ZNF888: variants seen among roughly 807,000 people sequenced by gnomAD.
ZNF888 encodes the protein zinc finger protein 888.
In ZNF888, 5 loss-of-function variants were observed where a neutral mutation model predicts 7.2. That is an observed-to-expected ratio of 0.70 (90% CI 0.36 to 1.46). ZNF888 has a LOEUF of 1.46. Among genes scored for constraint, ZNF888 ranks in the 40% most tolerant of loss-of-function variants. The pLI is 0.03. For missense variants in ZNF888, 716 were observed against 858.0 expected (o/e 0.83, Z 2.07); for synonymous variants, 240 against 284.3 (o/e 0.84, Z 1.57).
intron 4 of ZNF888, among the ~76,000 whole-genome samples, chr19:52,914,612 C>T (rs1041232984): frequency 1.4e-4 from 22 of 152,172 alleles, no homozygotes; most frequent in Non-Finnish European, 2.4e-4. Context: ...ACTACAGAAT[C>T]GAAAGCACAG....
At position 52,907,815 on chromosome 19, in the gene ZNF888, A is replaced by G. The variant is rs1600675980; in HGVS notation, c.507T>C (p.Asn169=). 6.2e-7 allele frequency: 1 copy of G among 1,614,172 alleles called. No individual in the cohort carries two copies. Among genetic ancestry groups the G allele is most frequent in the Non-Finnish European group, 8.5e-7 (1 of 1,180,032 alleles). ...IGNQLEKSIN[N]ASSVSTSQRI... is the part of the protein sequence containing the mutation. Reference sequence around the variant, plus strand: ...TTTGGGATGTTGAAACTGAGGAAGCATTGTTGATAGACTTCTCAAGTTGAT... The same window carrying G: ...TTTGGGATGTTGAAACTGAGGAAGCGTTGTTGATAGACTTCTCAAGTTGAT... The change falls in exon 5 of 5, where the codon AAT becomes AAC. Residue 169 remains asparagine (N), a synonymous_variant. Coordinates refer to ENST00000638862, the MANE Select transcript of ZNF888 (RefSeq NM_001393938.1).
intron 3 of ZNF888, among the ~76,000 whole-genome samples, chr19:52,915,736 A>G (rs1249967458): frequency 2.6e-5 from 4 of 151,896 alleles, no homozygotes; most frequent in African/African-American, 4.8e-5. Context: ...CGGCCTCCCA[A>G]AGTTCTGGGA....
In ZNF888 at chr19:52,907,398, A is replaced by C; in HGVS notation, c.924T>G (p.Ser308Arg). The C allele has an allele frequency of 6.2e-7, 1 of 1,612,898 alleles. No homozygotes were observed. The highest frequency in any genetic ancestry group is 1.3e-5 in the African/African-American group (1 of 75,024). ...TGTGAACTAAGAGGGCTGACTTGTC[A>C]CTGAACGTCTTGCCACACTCATTAC... ...YKCNECGKTFSDKSALLVHKT... is the reference protein window; with the variant it reads ...YKCNECGKTFRDKSALLVHKT... The change falls in exon 5 of 5, where the codon AGT becomes AGG. Residue 308 changes from serine (S) to arginine (R), a missense_variant. Transcript: ENST00000638862.
chr19:52,907,996 T>C lies in ZNF888; in HGVS notation c.326A>G (p.Glu109Gly). 1 of 1,614,168 alleles carries C rather than the reference T, an allele frequency of 6.2e-7. No individual in the cohort carries two copies. Among genetic ancestry groups the C allele is most frequent in the Non-Finnish European group, 8.5e-7 (1 of 1,180,014 alleles). Residue 109 changes from glutamate (E) to glycine (G), a missense_variant, in exon 5 of 5, where the codon GAA becomes GGA. Physicochemically the swap from Glu to Gly is moderately conservative, Grantham distance 98. Transcript: ENST00000638862. The stretch of plus-strand genomic sequence containing the variant: ...CTCTTTGATTTCTGTCATGGGTGCT[T>C]CATGGCCATTTGTTTCATCTTCTTG... ...QWQEDETNGH[E>G]APMTEIKELT...
intron 4 of ZNF888, among the ~76,000 whole-genome samples, chr19:52,911,853 G>A (rs2064683933): frequency 6.6e-6 from 1 of 151,792 alleles, no homozygotes; most frequent in African/African-American, 2.4e-5. Context: ...GTCTCACTCT[G>A]TCGCCCAGGC....
At chr19:52,912,350 T>G (rs1475493098) in intron 4 of ZNF888, among the ~76,000 whole-genome samples, 1 of 150,326 alleles carries the variant, frequency 6.7e-6, no homozygotes, top group African/African-American at 2.4e-5. Flanking sequence ...CCTGACCTCG[T>G]GATCCGCCCC....
Position 52,906,893 on chromosome 19 carries a change from G to C in ZNF888, c.1429C>G (p.Arg477Gly). ...KCKECDKVFS[R>G]KSHLERHRRI... The stretch of plus-strand genomic sequence containing the variant: ...CTATGTCTTTCAAGGTGTGATTTGC[G>C]ACTGAAAACTTTGTCACATTCTTTA... The change falls in exon 5 of 5, where the codon CGC becomes GGC. Residue 477 changes from arginine to glycine, a missense_variant. Arg to Gly is a moderately radical substitution (Grantham distance 125, BLOSUM62 -2). Coordinates refer to ENST00000638862, the MANE Select transcript of ZNF888 (RefSeq NM_001393938.1). The C allele has an allele frequency of 6.2e-7, 1 of 1,607,412 alleles. No homozygotes were observed. Among genetic ancestry groups the C allele is most frequent in the Non-Finnish European group, 8.5e-7 (1 of 1,178,020 alleles).
In ZNF888 at chr19:52,906,573, A is replaced by G. The variant is rs1449667585; in HGVS notation, c.1749T>C (p.Cys583=). 6.2e-6 allele frequency: 10 copies of G among 1,613,794 alleles called. No homozygotes were observed. Among genetic ancestry groups the G allele is most frequent in the African/African-American group, 2.7e-5 (2 of 75,024 alleles). ...GTGACTGTGTCCTAAAAACCTTGCC[A>G]CATTCATTACACTTGTAAGGTTTCT... ...TGEKPYKCNE[C]GKVFRTQSQL... is the part of the protein sequence containing the mutation. The change falls in exon 5 of 5, where the codon TGT becomes TGC. Residue 583 remains cysteine (C), a synonymous_variant. Coordinates refer to ENST00000638862, the MANE Select transcript of ZNF888 (RefSeq NM_001393938.1).
intron 1 of ZNF888, 93 bp downstream of exon 1, chr19:52,923,276 G>A: frequency 1.0e-6 from 1 of 984,432 alleles, no homozygotes; most frequent in Non-Finnish European, 1.2e-6. Context: ...AGAAGGGCGA[G>A]AATTTCCAGG....
At chr19:52,922,544 T>C (rs2064833966) in intron 1 of ZNF888, among the ~76,000 whole-genome samples, 1 of 152,112 alleles carries the variant, frequency 6.6e-6, no homozygotes, top group South Asian at 2.1e-4. Context: ...TCCAGTTGCT[T>C]TTCTCCTCCT....
At chr19:52,922,766 C>G (rs563164470) in intron 1 of ZNF888, among the ~76,000 whole-genome samples, 39 of 152,310 alleles carry the variant, frequency 2.6e-4, no homozygotes, top group Admixed American at 3.9e-4. Context: ...CCCAGAGAAG[C>G]GCATTTTCCA....
rs537642935 is a variant in ZNF888, at chr19:52,913,178, T to TA, written c.142+2017dup. ...CATATGTGTACCTTTTCTTCATAAC[T>TA]AAACTTTTTTCATATTATTTAAAAG... is the stretch of plus-strand genomic sequence containing the variant. On this transcript the variant is annotated intron_variant, in intron 4 of 4. Coordinates refer to ENST00000638862, the MANE Select transcript of ZNF888 (RefSeq NM_001393938.1). Among the ~76,000 whole-genome samples the TA allele has an allele frequency of 2.9e-3, 435 of 152,272 alleles. 1 individual carries two copies. Among genetic ancestry groups the TA allele is most frequent in the African/African-American group, 9.7e-3 (404 of 41,522 alleles).
In ZNF888 at chr19:52,919,542, C is replaced by T. The variant is rs560191070; in HGVS notation, c.-177-605G>A. Among the ~76,000 whole-genome samples, 80 of 71,966 alleles carry T rather than the reference C, an allele frequency of 1.1e-3. 29 individuals carry two copies. In the South Asian group the frequency reaches 0.033, roughly 30 times the overall value. The allele number at this position is 71,966 out of a possible 152,430, so 47.2% of individuals were successfully genotyped here. A position where few individuals can be genotyped will look rare whatever the true frequency, so the allele number is the denominator to read the frequency against. Reference sequence around the variant, plus strand: ...CCTCCCAGCCGCCTGCCTTGGCCCCCCAAAGTGCCGAGATTGCAGGCTCTG... The same window carrying T: ...CCTCCCAGCCGCCTGCCTTGGCCCCTCAAAGTGCCGAGATTGCAGGCTCTG... On this transcript the variant is annotated intron_variant, in intron 1 of 4. Transcript: ENST00000638862.
intron 4 of ZNF888, among the ~76,000 whole-genome samples, chr19:52,914,633 C>T (rs1195254484): frequency 6.6e-6 from 1 of 152,140 alleles, no homozygotes; most frequent in African/African-American, 2.4e-5. Context: ...GAGAAGCAAA[C>T]AGGGAACTGG....
chr19:52,914,313 C>T, intron 4 of ZNF888: 1 of 982,584 alleles, frequency 1.0e-6, no homozygotes, highest in South Asian at 4.7e-5. Context: ...GTAATATATT[C>T]CCACCCATCT....
intron 1 of ZNF888, among the ~76,000 whole-genome samples, chr19:52,922,037 A>G (rs1489629270): frequency 6.6e-6 from 1 of 152,174 alleles, no homozygotes; most frequent in Non-Finnish European, 1.5e-5. Context: ...ATAGGTGGCC[A>G]GGTGTGATGG....
In ZNF888 at chr19:52,910,149, CAAAAAAAA is replaced by C. The variant is rs71335690; in HGVS notation, c.143-1978_143-1971del. Among the ~76,000 whole-genome samples the C allele has an allele frequency of 7.3e-3, 611 of 83,894 alleles. 6 individuals are homozygous for C. The highest frequency in any genetic ancestry group is 0.019 in the African/African-American group (576 of 30,270). 55.0% of individuals were successfully genotyped at this position (83,894 alleles called of 152,430 possible). On this transcript the variant is annotated intron_variant, in intron 4 of 4. Coordinates refer to ENST00000638862, the MANE Select transcript of ZNF888 (RefSeq NM_001393938.1). Reference sequence around the variant, plus strand: ...TGGGGACTAGAGCGAGACTTCGTCTCAAAAAAAAAAAAAAAAAAAAAAAAAAAAGAACT... The same window carrying C: ...TGGGGACTAGAGCGAGACTTCGTCTCAAAAAAAAAAAAAAAAAAAAGAACT...
intron 4 of ZNF888, 22 bp from the exon 5 acceptor site, chr19:52,908,201 A>G: frequency 6.2e-7 from 1 of 1,605,120 alleles, no homozygotes; most frequent in East Asian, 2.2e-5. Flanking sequence ...AAACGCCAAT[A>G]GTTTTCCAAT....
At chr19:52,917,375 T>C in intron 3 of ZNF888, 1 of 285,196 alleles carries the variant, frequency 3.5e-6, no homozygotes, top group East Asian at 8.2e-5. Flanking sequence ...AGACAGGGTT[T>C]CTCCATGTTG....
Sources: gnomAD v4.1 joint callset for allele counts (sites outside exome capture counted in the v4.1 genomes callset) on GRCh38, gnomAD v4.1.1 for gene constraint, MANE v1.5 for transcripts, NCBI Gene and HGNC (gene_info 2026-07-23, HGNC 2026-07-21) for gene names.